Variants in XKR4 observed in about 807,000 individuals in gnomAD.
XKR4 encodes XK related 4, also known as XK-related protein 4.
Under a neutral mutation model 53.9 loss-of-function variants are expected in XKR4, and 12 were observed. The ratio of observed to expected loss-of-function variants is 0.22; its 90% CI spans 0.14 to 0.36. The LOEUF is 0.36. XKR4 is among the 10% of genes least tolerant of loss of function. XKR4 has a pLI of 1.00. For missense variants in XKR4, 799 were observed against 859.5 expected (o/e 0.93, Z 0.88); for synonymous variants, 354 against 362.4 (o/e 0.98, Z 0.26).
chr8:55,396,398 G>GTTTTTTTTTTTTTTTT (rs1478254228), intron 2 of XKR4, among the ~76,000 whole-genome samples: 1 of 36,478 alleles, frequency 2.7e-5, no homozygotes, highest in East Asian at 6.2e-4. Context: ...TTTTTTGTTT[G>GTTTTTTTTTTTTTTTT]GTTTTTTTTT....
intron 1 of XKR4, among the ~76,000 whole-genome samples, chr8:55,316,465 T>G (rs937822062): frequency 5.3e-5 from 8 of 152,230 alleles, no homozygotes; most frequent in Admixed American, 4.6e-4. Context: ...TCAAAGGTGA[T>G]TATAGCATAG....
intron 1 of XKR4, among the ~76,000 whole-genome samples, chr8:55,143,469 TA>T (rs1447310900): frequency 6.6e-6 from 1 of 152,220 alleles, no homozygotes; most frequent in South Asian, 2.1e-4. Flanking sequence ...TTTAAAAGTA[TA>T]AAAAATTATC....
intron 1 of XKR4, among the ~76,000 whole-genome samples, chr8:55,217,045 A>T (rs1466056338): frequency 6.6e-6 from 1 of 152,004 alleles, no homozygotes; most frequent in Non-Finnish European, 1.5e-5. Context: ...GATCGAGACC[A>T]TCCTGGCCAA....
rs1806906131 is a variant in XKR4, at chr8:55,528,446, A to G, written c.*4219A>G. The G allele has an allele frequency of 6.6e-6, 1 of 152,244 alleles. No individual in the cohort carries two copies. Among genetic ancestry groups the G allele is most frequent in the Admixed American group, 6.5e-5 (1 of 15,282 alleles). 9.4% of individuals were successfully genotyped at this position (152,244 alleles called of 1,614,324 possible). ...GTTGATTGGAAACAAGTTCTGACACAATGTTTAGACAAGAATCCAGAGATT... is the reference window on the plus strand; with the variant it reads ...GTTGATTGGAAACAAGTTCTGACACGATGTTTAGACAAGAATCCAGAGATT... On this transcript the variant is annotated 3_prime_UTR_variant, in exon 3 of 3. Transcript: ENST00000327381.
chr8:55,192,221 TCTTACA>T (rs1817451761), intron 1 of XKR4, among the ~76,000 whole-genome samples: 1 of 143,672 alleles, frequency 7.0e-6, no homozygotes, highest in Non-Finnish European at 1.5e-5. Flanking sequence ...TTAATACAAT[TCTTACA>T]AAGTCCCTTA....
At position 55,527,710 on chromosome 8, in the gene XKR4, G is replaced by A. The variant is rs995539288; in HGVS notation, c.*3483G>A. 3 of 152,068 alleles carry A rather than the reference G, an allele frequency of 2.0e-5. No individual in the cohort carries two copies. The highest frequency in any genetic ancestry group is 7.2e-5 in the African/African-American group (3 of 41,398). The allele number at this position is 152,068 out of a possible 1,614,324, so 9.4% of individuals were successfully genotyped here. On this transcript the variant is annotated 3_prime_UTR_variant, in exon 3 of 3. Transcript: ENST00000327381. ...TAGTTACTACTCATTTGTGATAAACGCTGTTAACCCAACAAATATAATAAA... is the reference window on the plus strand; with the variant it reads ...TAGTTACTACTCATTTGTGATAAACACTGTTAACCCAACAAATATAATAAA...
chr8:55,172,210 C>CAAA (rs35747779), intron 1 of XKR4, among the ~76,000 whole-genome samples: 1 of 137,330 alleles, frequency 7.3e-6, no homozygotes. Flanking sequence ...GACTCTCTCT[C>CAAA]AAAAAAAAAA....
At chr8:55,339,399 T>C (rs1803509578) in intron 1 of XKR4, among the ~76,000 whole-genome samples, 1 of 152,190 alleles carries the variant, frequency 6.6e-6, no homozygotes. Flanking sequence ...ATTTTACCAA[T>C]TAAGCACATA....
intron 2 of XKR4, among the ~76,000 whole-genome samples, chr8:55,445,605 T>C (rs1431978902): frequency 6.6e-6 from 1 of 152,096 alleles, no homozygotes; most frequent in East Asian, 1.9e-4. Flanking sequence ...GGTAAGTTTT[T>C]AGACCATGAA....
chr8:55,254,816 T>C (rs1818414854), intron 1 of XKR4, among the ~76,000 whole-genome samples: 1 of 152,204 alleles, frequency 6.6e-6, no homozygotes, highest in Admixed American at 6.5e-5. Context: ...CTGACTTATT[T>C]GTGGGTTAAA....
chr8:55,222,654 T>C (rs1652489607), intron 1 of XKR4, among the ~76,000 whole-genome samples: 1 of 152,228 alleles, frequency 6.6e-6, no homozygotes, highest in Non-Finnish European at 1.5e-5. Flanking sequence ...GGTAGAACTT[T>C]GTCTTATTCA....
chr8:55,492,911 C>A (rs192120142), intron 2 of XKR4, among the ~76,000 whole-genome samples: 1 of 152,336 alleles, frequency 6.6e-6, no homozygotes, highest in African/African-American at 2.4e-5. Context: ...GCACCAGGGG[C>A]CTTGTGAATC....
At chr8:55,213,003 G>A (rs28480033) in intron 1 of XKR4, among the ~76,000 whole-genome samples, 55,864 of 152,076 alleles carry the variant, frequency 0.37, 11,153 homozygotes, top group Middle Eastern at 0.47. Context: ...AGCAAAATTA[G>A]GAATGCTTCT....
intron 2 of XKR4, among the ~76,000 whole-genome samples, chr8:55,396,177 C>A (rs984392239): frequency 2.0e-5 from 3 of 152,206 alleles, no homozygotes; most frequent in Non-Finnish European, 4.4e-5. Context: ...TGTTTTACCA[C>A]TGACCCTGAT....
intron 1 of XKR4, among the ~76,000 whole-genome samples, chr8:55,320,330 TGTAGGAGTTAAA>T (rs1425243990): frequency 1.3e-5 from 2 of 152,154 alleles, no homozygotes; most frequent in African/African-American, 4.8e-5. Flanking sequence ...CCTGATAATA[TGTAGGAGTTAAA>T]GTACTTACCT....
At chr8:55,202,759 C>G (rs948682220) in intron 1 of XKR4, among the ~76,000 whole-genome samples, 1 of 152,198 alleles carries the variant, frequency 6.6e-6, no homozygotes, top group Non-Finnish European at 1.5e-5. Context: ...AATGAATCAT[C>G]GTTGATGAAG....
chr8:55,460,020 A>T (rs1397930316), intron 2 of XKR4, among the ~76,000 whole-genome samples: 1 of 151,998 alleles, frequency 6.6e-6, no homozygotes, highest in African/African-American at 2.4e-5. Context: ...TGAAAAAAAA[A>T]AAAACCAAAT....
At chr8:55,428,260 A>G (rs1176686678) in intron 2 of XKR4, among the ~76,000 whole-genome samples, 2 of 152,202 alleles carry the variant, frequency 1.3e-5, no homozygotes, top group African/African-American at 4.8e-5. Context: ...CCCAATGATC[A>G]ACATAGCAAA....
chr8:55,186,851 G>A (rs1817385302), intron 1 of XKR4, among the ~76,000 whole-genome samples: 1 of 152,024 alleles, frequency 6.6e-6, no homozygotes, highest in African/African-American at 2.4e-5. Flanking sequence ...ATAAAAGATT[G>A]TTATATTTGT....
Sources: allele counts gnomAD v4.1 joint callset (sites outside exome capture counted in the v4.1 genomes callset), GRCh38; gene constraint gnomAD v4.1.1; transcripts MANE v1.5; gene names NCBI Gene and HGNC (gene_info 2026-07-23, HGNC 2026-07-21).